Variants in CHID1 observed in about 807,000 individuals in gnomAD.
CHID1 encodes chitinase domain containing 1.
Under a neutral mutation model 55.4 loss-of-function variants are expected in CHID1, and 44 were observed. The observed-to-expected ratio is 0.79, with a 90% CI of 0.62 to 1.02. The LOEUF is 1.02. Among genes scored for constraint, CHID1 ranks in the 50% least tolerant of loss-of-function variants. The pLI is 0.00. For missense variants in CHID1, 491 were observed against 515.3 expected (o/e 0.95, Z 0.46); for synonymous variants, 216 against 212.9 (o/e 1.01, Z -0.13).
chr11:886,220 G>A (rs1398500476), intron 8 of CHID1, among the ~76,000 whole-genome samples: 1 of 151,416 alleles, frequency 6.6e-6, no homozygotes, highest in Non-Finnish European at 1.5e-5. Flanking sequence ...AGCATTTGGG[G>A]AGGCTGAGGC....
chr11:878,306 C>T (rs200131052), intron 10 of CHID1, among the ~76,000 whole-genome samples: 5 of 152,116 alleles, frequency 3.3e-5, no homozygotes, highest in Admixed American at 6.5e-5. Context: ...TCCAGCTACT[C>T]GGGAGGCTGA....
chr11:906,874 C>T (rs1259532696), intron 1 of CHID1, among the ~76,000 whole-genome samples: 1 of 151,970 alleles, frequency 6.6e-6, no homozygotes, highest in Non-Finnish European at 1.5e-5. Flanking sequence ...ACTGAAAATA[C>T]AAAATTAGCT....
chr11:888,359 C>T (rs1187853815), intron 8 of CHID1, among the ~76,000 whole-genome samples: 4 of 152,294 alleles, frequency 2.6e-5, no homozygotes, highest in Non-Finnish European at 4.4e-5. Context: ...GAGGACCACC[C>T]GGGAATGTGG....
chr11:878,489 G>A (rs1472083027), intron 10 of CHID1, among the ~76,000 whole-genome samples: 1 of 151,938 alleles, frequency 6.6e-6, no homozygotes, highest in African/African-American at 2.4e-5. Flanking sequence ...CTTGAACCCA[G>A]GAGGCAGAGG....
At chr11:910,600 C>G (rs1334682016) in intron 1 of CHID1, 175 bp downstream of exon 1, 4 of 1,241,462 alleles carry the variant, frequency 3.2e-6, no homozygotes, top group East Asian at 8.4e-5. Context: ...TCCTCACACC[C>G]TCTCACACGC....
rs1008830835 is a variant in CHID1, at chr11:884,798, T to C, written c.702-629A>G. On this transcript the variant is annotated intron_variant, in intron 8 of 12. Transcript: ENST00000323578. ...TGGTCGGCTGCGGACACCTGTGGCA[T>C]GGGCACCGCGGAGGAAGCGGCCCTG... Among the ~76,000 whole-genome samples the C allele has an allele frequency of 3.3e-5, 5 of 152,214 alleles. No individual in the cohort carries two copies. The East Asian group carries it at 5.8e-4, about 18-fold the overall frequency.
Position 900,059 on chromosome 11 carries a change from A to G in CHID1, c.491T>C (p.Leu164Ser). The change falls in exon 6 of 13, where the codon TTA becomes TCA. Residue 164 changes from leucine to serine, a missense_variant. By Grantham distance (145) the Leu-to-Ser change is moderately radical (BLOSUM62 -2). Coordinates refer to ENST00000323578, the MANE Select transcript of CHID1 (RefSeq NM_023947.4). ...DWTYDDFRNV[L>S]DSEDEIEELS... ...CTCCTCTATCTCATCCTCACTGTCT[A>G]AGACGTTCCGGAAATCATCGTAAGT... The G allele has an allele frequency of 1.2e-6, 2 of 1,614,074 alleles. No individual in the cohort carries two copies. Among genetic ancestry groups the G allele is most frequent in the Non-Finnish European group, 1.7e-6 (2 of 1,179,994 alleles).
At chr11:890,409 G>A (rs1042372740) in intron 8 of CHID1, among the ~76,000 whole-genome samples, 3 of 152,238 alleles carry the variant, frequency 2.0e-5, no homozygotes, top group Admixed American at 6.5e-5. Context: ...CACATATAGC[G>A]ATGGCCGGCC....
chr11:900,730 T>C (rs1851741023), intron 5 of CHID1, among the ~76,000 whole-genome samples: 2 of 152,164 alleles, frequency 1.3e-5, no homozygotes, highest in Admixed American at 1.3e-4. Flanking sequence ...GGCCACAGCC[T>C]GTGTGGGGAG....
At chr11:891,623 A>G (rs1378742718) in intron 8 of CHID1, among the ~76,000 whole-genome samples, 1 of 152,192 alleles carries the variant, frequency 6.6e-6, no homozygotes, top group African/African-American at 2.4e-5. Flanking sequence ...TGGGAGCCCC[A>G]TGAAATCAGT....
At chr11:910,937 T>C (rs1852636263), upstream of CHID1, 1 of 592,314 alleles carries the variant, frequency 1.7e-6, no homozygotes, top group African/African-American at 2.1e-5. Flanking sequence ...TGCCCGAAAG[T>C]CGGGGCCGGG....
At chr11:902,064 G>A (rs1277761314) in intron 4 of CHID1, 134 bp downstream of exon 4, 7 of 933,118 alleles carry the variant, frequency 7.5e-6, no homozygotes, top group South Asian at 3.1e-5. Context: ...CTTAAATCAC[G>A]CAGAGACACA....
chr11:891,706 C>T (rs1395822784), intron 8 of CHID1, among the ~76,000 whole-genome samples: 4 of 152,192 alleles, frequency 2.6e-5, no homozygotes, highest in Admixed American at 2.6e-4. Flanking sequence ...CTTCACCCAG[C>T]CCCAGGCCTG....
At chr11:913,431 CTTAA>C (rs1439731212), upstream of CHID1, among the ~76,000 whole-genome samples, 3 of 152,204 alleles carry the variant, frequency 2.0e-5, no homozygotes, top group East Asian at 1.9e-4. Context: ...TTGAAAATTG[CTTAA>C]TTGAGTTTAT....
intron 10 of CHID1, among the ~76,000 whole-genome samples, chr11:877,814 G>A (rs990939345): frequency 6.7e-5 from 10 of 149,520 alleles, no homozygotes; most frequent in African/African-American, 2.3e-4. Flanking sequence ...TTTAGAAGGC[G>A]ACACTGTGGG....
intron 9 of CHID1, among the ~76,000 whole-genome samples, chr11:883,591 C>T (rs1850165070): frequency 6.6e-6 from 1 of 152,160 alleles, no homozygotes; most frequent in African/African-American, 2.4e-5. Context: ...GTCAGCAGAG[C>T]GGGCCCATGA....
At chr11:884,804 C>A (rs1050012892) in intron 8 of CHID1, among the ~76,000 whole-genome samples, 1 of 152,218 alleles carries the variant, frequency 6.6e-6, no homozygotes, top group African/African-American at 2.4e-5. Context: ...GGCATGGGCA[C>A]CGCGGAGGAA....
chr11:907,408 G>A (rs1488904159), intron 1 of CHID1, among the ~76,000 whole-genome samples: 2 of 152,198 alleles, frequency 1.3e-5, no homozygotes, highest in East Asian at 1.9e-4. Flanking sequence ...GTGAATCCAG[G>A]AGGTGGAGTT....
chr11:877,032 G>A (rs1189773984), intron 10 of CHID1, among the ~76,000 whole-genome samples: 1 of 152,178 alleles, frequency 6.6e-6, no homozygotes, highest in African/African-American at 2.4e-5. Flanking sequence ...ACTTCGGGTG[G>A]GCGAGGAGGG....
Sources: gnomAD v4.1 joint callset for allele counts (sites outside exome capture counted in the v4.1 genomes callset) on GRCh38, gnomAD v4.1.1 for gene constraint, MANE v1.5 for transcripts, NCBI Gene and HGNC (gene_info 2026-07-23, HGNC 2026-07-21) for gene names.